Variants in ITPR2 observed in about 807,000 individuals in gnomAD.
ITPR2 encodes inositol 1,4,5-trisphosphate receptor type 2.
Under a neutral mutation model 317.1 loss-of-function variants are expected in ITPR2, and 207 were observed. The observed-to-expected ratio is 0.65, with a 90% CI of 0.58 to 0.73. ITPR2 has a LOEUF of 0.73. ITPR2 is among the 30% of genes least tolerant of loss of function. The pLI is 0.00. For missense variants in ITPR2, 2,613 were observed against 3,284.0 expected (o/e 0.80, Z 4.99); for synonymous variants, 1,156 against 1,149.1 (o/e 1.01, Z -0.12).
intron 55 of ITPR2, among the ~76,000 whole-genome samples, chr12:26,345,217 T>C (rs953920768): frequency 1.3e-5 from 2 of 152,182 alleles, no homozygotes; most frequent in African/African-American, 4.8e-5. Context: ...GTTCTCTTTT[T>C]TGAAGAAAGC....
Position 26,661,145 on chromosome 12 carries a change from G to A in ITPR2, c.1714-1860C>T, listed in dbSNP as rs1218672938. On this transcript the variant is annotated intron_variant, in intron 15 of 56. Coordinates refer to ENST00000381340, the MANE Select transcript of ITPR2 (RefSeq NM_002223.4). Reference sequence around the variant, plus strand: ...AAATAAAATATAACCCTTAACAAATGCTGGGGATTCTTTATTCCTTTATCA... The same window carrying A: ...AAATAAAATATAACCCTTAACAAATACTGGGGATTCTTTATTCCTTTATCA... Among the ~76,000 whole-genome samples, 4 of 151,894 alleles carry A rather than the reference G, an allele frequency of 2.6e-5. No individual in the cohort carries two copies. In the East Asian group the frequency reaches 7.8e-4, roughly 29 times the overall value.
chr12:26,457,753 T>C (rs1941926631), intron 45 of ITPR2, among the ~76,000 whole-genome samples: 1 of 152,198 alleles, frequency 6.6e-6, no homozygotes, highest in Non-Finnish European at 1.5e-5. Context: ...TGGGTTCAAC[T>C]GCATTATATC....
chr12:26,475,198 T>C (rs774966116), intron 45 of ITPR2, 98 bp downstream of exon 45: 484 of 1,386,324 alleles, frequency 3.5e-4, no homozygotes, highest in Admixed American at 8.6e-4. Context: ...AAGTGCTGAA[T>C]AAATGAAGGG....
At chr12:26,615,017 A>C (rs1352564005) in intron 26 of ITPR2, among the ~76,000 whole-genome samples, 2 of 152,218 alleles carry the variant, frequency 1.3e-5, no homozygotes, top group Non-Finnish European at 2.9e-5. Context: ...CTTATTCTAG[A>C]TGTTAACAAT....
At chr12:26,802,179 G>A (rs1352158511) in intron 1 of ITPR2, among the ~76,000 whole-genome samples, 1 of 151,910 alleles carries the variant, frequency 6.6e-6, no homozygotes, top group Non-Finnish European at 1.5e-5. Flanking sequence ...ATGCACCTGT[G>A]GTCCCAGCTA....
intron 39 of ITPR2, among the ~76,000 whole-genome samples, chr12:26,492,915 G>C (rs948591767): frequency 8.3e-6 from 1 of 120,976 alleles, no homozygotes; most frequent in Non-Finnish European, 1.7e-5. Flanking sequence ...GTATGTGTGT[G>C]TGTGTATATA....
chr12:26,655,092 T>C (rs1267821270), intron 20 of ITPR2, among the ~76,000 whole-genome samples: 1 of 152,082 alleles, frequency 6.6e-6, no homozygotes, highest in Non-Finnish European at 1.5e-5. Context: ...TGTCACTACA[T>C]CCCCAAACTG....
At position 26,415,317 on chromosome 12, in the gene ITPR2, C is replaced by T. The variant is rs1160309236; in HGVS notation, c.7292G>A (p.Arg2431Gln). The part of the protein sequence containing the change: ...FTMEVDRLKN[R>Q]TPVTGSHQVP... ...AATAGCAATACCTGTAACAGGAGTT[C>T]GGTTTTTCAGCCTATCAACTTCCAT... Residue 2431 changes from arginine (R) to glutamine (Q), a missense_variant, in exon 51 of 57, where the codon CGA becomes CAA. Coordinates refer to ENST00000381340, the MANE Select transcript of ITPR2 (RefSeq NM_002223.4). 9 of 1,599,958 alleles carry T rather than the reference C, an allele frequency of 5.6e-6. No homozygotes were observed. In the East Asian group the frequency reaches 6.7e-5, roughly 12 times the overall value.
At chr12:26,355,955 G>C (rs1226328000) in intron 55 of ITPR2, among the ~76,000 whole-genome samples, 1 of 152,208 alleles carries the variant, frequency 6.6e-6, no homozygotes, top group Non-Finnish European at 1.5e-5. Flanking sequence ...TAGCATCAGA[G>C]ACCTAAACAT....
At chr12:26,695,867 T>C (rs2136990786) in intron 9 of ITPR2, among the ~76,000 whole-genome samples, 1 of 152,288 alleles carries the variant, frequency 6.6e-6, no homozygotes, top group East Asian at 1.9e-4. Context: ...TTGCCTTGGT[T>C]TATATCAGAA....
intron 52 of ITPR2, among the ~76,000 whole-genome samples, chr12:26,407,984 C>T (rs948586534): frequency 3.9e-5 from 6 of 152,188 alleles, no homozygotes; most frequent in South Asian, 2.1e-4. Flanking sequence ...TCCCTCCTCT[C>T]GGCCTGACTA....
At chr12:26,491,829 A>C (rs1942814463) in intron 39 of ITPR2, among the ~76,000 whole-genome samples, 1 of 152,226 alleles carries the variant, frequency 6.6e-6, no homozygotes, top group African/African-American at 2.4e-5. Context: ...CAATGGCAAA[A>C]GGAGCAGTGC....
intron 34 of ITPR2, among the ~76,000 whole-genome samples, chr12:26,569,743 A>AT (rs1402373138): frequency 6.6e-6 from 1 of 152,214 alleles, no homozygotes; most frequent in African/African-American, 2.4e-5. Flanking sequence ...TTCCTCACTC[A>AT]TAAAAAAGAG....
intron 29 of ITPR2, 30 bp downstream of exon 29, chr12:26,599,957 A>G: frequency 6.5e-7 from 1 of 1,538,426 alleles, no homozygotes; most frequent in Non-Finnish European, 9.0e-7. Context: ...ACACTTTACT[A>G]GAAATACTAG....
chr12:26,603,946 A>G (rs145819366), intron 26 of ITPR2, among the ~76,000 whole-genome samples: 1 of 152,270 alleles, frequency 6.6e-6, no homozygotes, highest in Non-Finnish European at 1.5e-5. Context: ...GTCAAGTTCA[A>G]TGTGGGTCCA....
chr12:26,824,436 A>C (rs139237898), intron 1 of ITPR2, among the ~76,000 whole-genome samples: 390 of 152,300 alleles, frequency 2.6e-3, no homozygotes, highest in African/African-American at 9.1e-3. Context: ...TTTTTTCCAC[A>C]ATACACCTTA....
chr12:26,653,250 T>C (rs1030185284), intron 21 of ITPR2, among the ~76,000 whole-genome samples: 4 of 146,006 alleles, frequency 2.7e-5, no homozygotes, highest in African/African-American at 7.7e-5. Flanking sequence ...TCTTTTTTTT[T>C]TTTTTTTTTT....
chr12:26,787,552 T>C (rs571867251), intron 2 of ITPR2, among the ~76,000 whole-genome samples: 10 of 152,336 alleles, frequency 6.6e-5, no homozygotes, highest in Non-Finnish European at 1.5e-4. Flanking sequence ...TAAAACAATT[T>C]ACTTCACTGT....
intron 1 of ITPR2, among the ~76,000 whole-genome samples, chr12:26,800,042 C>T (rs193184817): frequency 1.5e-3 from 233 of 152,262 alleles, no homozygotes; most frequent in Non-Finnish European, 2.2e-3. Flanking sequence ...TTTGCAGGTG[C>T]TCTCAGGAAA....
Sources: gnomAD v4.1 joint callset for allele counts (sites outside exome capture counted in the v4.1 genomes callset) on GRCh38, gnomAD v4.1.1 for gene constraint, MANE v1.5 for transcripts, NCBI Gene and HGNC (gene_info 2026-07-23, HGNC 2026-07-21) for gene names.